The following ZNF469 variants were observed in gnomAD, a reference collection of about 807,000 sequenced individuals.
The protein encoded by ZNF469 is zinc finger protein 469.
A neutral mutation model predicts 1.0 loss-of-function variants in ZNF469; 1 was observed. That is an observed-to-expected ratio of 1.00 (90% confidence interval 0.35 to 4.73). ZNF469 has a LOEUF of 4.73. Ranked by LOEUF, ZNF469 falls within the 30% of genes most tolerant of loss-of-function variation. The pLI, the probability that ZNF469 is intolerant of heterozygous loss-of-function variation, is 0.16. For missense variants in ZNF469, 6,100 were observed against 5,356.3 expected (o/e 1.14, Z -4.33); for synonymous variants, 2,703 against 2,363.4 (o/e 1.14, Z -4.17).
the ZNF469 span, among the ~76,000 whole-genome samples, chr16:88,118,105 G>C: frequency 6.6e-6 from 1 of 152,130 alleles, no homozygotes; most frequent in Non-Finnish European, 1.5e-5. Context: ...ACCACACCTG[G>C]CTAATTTTTG....
intron 1 of ZNF469, among the ~76,000 whole-genome samples, chr16:88,421,949 A>G (rs1273616657): frequency 6.6e-6 from 1 of 152,106 alleles, no homozygotes; most frequent in African/African-American, 2.4e-5. Flanking sequence ...ACAAATGTAA[A>G]GACTTGTGGA....
the ZNF469 span, among the ~76,000 whole-genome samples, chr16:88,354,997 G>A: frequency 6.6e-6 from 1 of 152,160 alleles, no homozygotes; most frequent in Non-Finnish European, 1.5e-5. Context: ...CCTTGTCCCC[G>A]CTAGGGGAAG....
chr16:88,239,703 ATATATATATATAT>A, the ZNF469 span, among the ~76,000 whole-genome samples: 2 of 6,322 alleles, frequency 3.2e-4, no homozygotes, highest in Non-Finnish European at 4.8e-4. Context: ...ATATATATAT[ATATATATATATAT>A]TTTTTTTTTT....
rs1407946801 is a variant in ZNF469 at position 88,432,834 on chromosome 16, A to G, written c.5364A>G (p.Arg1788=). 15 of 1,550,132 alleles carry G rather than the reference A, an allele frequency of 9.7e-6. No individual in the cohort carries two copies. Among genetic ancestry groups the G allele is most frequent in the African/African-American group, 2.7e-5 (2 of 73,022 alleles). Residue 1788 remains arginine, a synonymous_variant, in exon 3 of 3, where the codon CGA becomes CGG. Coordinates refer to ENST00000565624, the MANE Select transcript of ZNF469 (RefSeq NM_001367624.2). Reference sequence around the variant, plus strand: ...CCGGCACAGCAGACCAGCCCCACCGAGGGGCCCCTGCTCCAGAAGCTTTTG... The same window carrying G: ...CCGGCACAGCAGACCAGCCCCACCGGGGGGCCCCTGCTCCAGAAGCTTTTG... The part of the protein sequence containing the change: ...PEPGTADQPH[R]GAPAPEAFGS...
chr16:88,159,975 T>C, the ZNF469 span, among the ~76,000 whole-genome samples: 1 of 152,208 alleles, frequency 6.6e-6, no homozygotes, highest in African/African-American at 2.4e-5. Flanking sequence ...GCAGCAGGTA[T>C]TTGGGCCCAA....
the ZNF469 span, among the ~76,000 whole-genome samples, chr16:88,240,205 G>A: frequency 1.3e-5 from 2 of 152,204 alleles, no homozygotes; most frequent in South Asian, 2.1e-4. Flanking sequence ...GTCATTTCTG[G>A]AGGTCAGGAC....
chr16:88,117,770 T>C, the ZNF469 span, among the ~76,000 whole-genome samples: 7 of 152,270 alleles, frequency 4.6e-5, no homozygotes, highest in Admixed American at 4.6e-4. Flanking sequence ...GGAGCCCCGG[T>C]CGTGTGCAAG....
intron 1 of ZNF469, among the ~76,000 whole-genome samples, chr16:88,419,686 T>A (rs921607801): frequency 6.6e-6 from 1 of 151,856 alleles, no homozygotes; most frequent in Non-Finnish European, 1.5e-5. Context: ...ACTCCACCCC[T>A]CCTCAACGTT....
At chr16:88,391,155 C>T (rs907266205) in intron 1 of ZNF469, among the ~76,000 whole-genome samples, 4 of 152,250 alleles carry the variant, frequency 2.6e-5, no homozygotes, top group African/African-American at 7.2e-5. Context: ...TCCCCCGCAG[C>T]CTCAGTTTCC....
intron 1 of ZNF469, among the ~76,000 whole-genome samples, chr16:88,403,861 T>G (rs1904952099): frequency 6.6e-6 from 1 of 151,566 alleles, no homozygotes; most frequent in Admixed American, 6.6e-5. Flanking sequence ...CCCAGGACAC[T>G]CCTCAGCCTG....
At chr16:88,343,993 G>T in the ZNF469 span, among the ~76,000 whole-genome samples, 1,828 of 152,238 alleles carry the variant, frequency 0.012, 38 homozygotes, top group African/African-American at 0.041. Context: ...TGTGGATCCT[G>T]GACGGGACAT....
intron 1 of ZNF469, among the ~76,000 whole-genome samples, chr16:88,408,309 G>A (rs575158495): frequency 1.3e-5 from 2 of 152,306 alleles, no homozygotes; most frequent in African/African-American, 4.8e-5. Flanking sequence ...CCACCACCAC[G>A]CCCGGCTAAT....
At position 88,433,611 on chromosome 16, in the gene ZNF469, C is replaced by A. The variant is rs1235801649; in HGVS notation, c.6141C>A (p.Ser2047Arg). 6.5e-7 allele frequency: 1 copy of A among 1,550,316 alleles called. No homozygotes were observed. The highest frequency in any genetic ancestry group is 1.2e-5 in the South Asian group (1 of 84,064). Residue 2047 changes from serine to arginine, a missense_variant, in exon 3 of 3, where the codon AGC becomes AGA. Ser to Arg is a moderately radical substitution (Grantham distance 110). Transcript: ENST00000565624. ...EKCKGSRAAM[S>R]LQEEAEPTPS... ...GCAAGGGAAGCAGGGCAGCCATGAG[C>A]CTTCAGGAGGAGGCCGAGCCCACCC... is the stretch of plus-strand genomic sequence containing the variant.
At chr16:88,227,507 T>A in the ZNF469 span, among the ~76,000 whole-genome samples, 1 of 82,202 alleles carries the variant, frequency 1.2e-5, no homozygotes, top group East Asian at 4.1e-4. Context: ...CGTCTCCCCA[T>A]CTCCCCATCT....
the ZNF469 span, among the ~76,000 whole-genome samples, chr16:88,277,008 C>G: frequency 6.6e-6 from 1 of 151,448 alleles, no homozygotes; most frequent in South Asian, 2.1e-4. Context: ...ATCATTAGTG[C>G]TGTGCCACGC....
At chr16:88,240,564 C>T in the ZNF469 span, among the ~76,000 whole-genome samples, 8 of 152,240 alleles carry the variant, frequency 5.3e-5, no homozygotes, top group African/African-American at 7.2e-5. Context: ...TCCACAGAGA[C>T]GCAGATGCAT....
the ZNF469 span, among the ~76,000 whole-genome samples, chr16:88,127,107 G>C: frequency 0.013 from 1,990 of 152,288 alleles, 48 homozygotes; most frequent in African/African-American, 0.046. Context: ...ACAGGTGTGA[G>C]CCACCACGCC....
At chr16:88,388,147 G>A (rs1904386771) in intron 1 of ZNF469, among the ~76,000 whole-genome samples, 1 of 152,248 alleles carries the variant, frequency 6.6e-6, no homozygotes, top group Non-Finnish European at 1.5e-5. Context: ...CAGGTGAGTG[G>A]AGGGATGAGT....
the ZNF469 span, among the ~76,000 whole-genome samples, chr16:88,224,137 C>T: frequency 6.6e-6 from 1 of 152,218 alleles, no homozygotes; most frequent in Non-Finnish European, 1.5e-5. Context: ...CGAGCTCCTT[C>T]TGCAGAAGGG....
Sources: gnomAD v4.1 joint callset for allele counts (sites outside exome capture counted in the v4.1 genomes callset) on GRCh38, gnomAD v4.1.1 for gene constraint, MANE v1.5 for transcripts, NCBI Gene and HGNC (gene_info 2026-07-23, HGNC 2026-07-21) for gene names.